SRXN1: variants seen among roughly 807,000 people sequenced by gnomAD.
SRXN1 encodes sulfiredoxin-1.
Under a neutral mutation model 11.0 loss-of-function variants are expected in SRXN1, and 11 were observed. That is an observed-to-expected ratio of 1.00 (90% CI 0.63 to 1.65). SRXN1 has a LOEUF of 1.65. SRXN1 is among the 40% of genes most tolerant of loss of function. SRXN1 has a pLI of 0.00. For synonymous variants in SRXN1, 106 were observed against 92.8 expected (o/e 1.14, Z -0.82); for missense variants, 211 against 194.5 (o/e 1.08, Z -0.50).
At chr20:650,919 C>A (rs1477172605) in intron 1 of SRXN1, among the ~76,000 whole-genome samples, 1 of 152,196 alleles carries the variant, frequency 6.6e-6, no homozygotes, top group African/African-American at 2.4e-5. Context: ...GAATGTGTTA[C>A]CTTACATGGG....
chr20:651,544 C>T (rs979602140), intron 1 of SRXN1, among the ~76,000 whole-genome samples: 2 of 151,984 alleles, frequency 1.3e-5, no homozygotes, highest in South Asian at 2.1e-4. Context: ...ATTAGCCAGG[C>T]GTGGTGGTGG....
In SRXN1 at chr20:650,894, C is replaced by T. The variant is rs115492788; in HGVS notation, c.211-1977G>A. ...GAATGATGGCTCCCAAAGATGTCCACGCCCGAATGCTTCTGAATGTGTTAC... is the reference window on the plus strand; with the variant it reads ...GAATGATGGCTCCCAAAGATGTCCATGCCCGAATGCTTCTGAATGTGTTAC... On this transcript the variant is annotated intron_variant, in intron 1 of 1. Transcript: ENST00000381962. Among the ~76,000 whole-genome samples the T allele has an allele frequency of 3.9e-3, 592 of 152,354 alleles. 2 individuals carry two copies. The highest frequency in any genetic ancestry group is 0.014 in the African/African-American group (563 of 41,584).
intron 1 of SRXN1, among the ~76,000 whole-genome samples, chr20:650,408 G>A (rs1171292140): frequency 6.6e-6 from 1 of 152,180 alleles, no homozygotes; most frequent in African/African-American, 2.4e-5. Context: ...AGAGAAAAGG[G>A]AGAATCTAAG....
In SRXN1 at chr20:646,826, C is replaced by T. The variant is rs1288601058; in HGVS notation, c.*1888G>A. The T allele has an allele frequency of 6.6e-6, 1 of 152,064 alleles. No individual in the cohort carries two copies. The highest frequency in any genetic ancestry group is 1.5e-5 in the Non-Finnish European group (1 of 68,006). 9.4% of individuals were successfully genotyped at this position (152,064 alleles called of 1,614,324 possible). ...GACTTTTTTCAGATTTCCAATTTTC[C>T]CACTAATGTCCTGTTTTTGTTCCAA... On this transcript the variant is annotated 3_prime_UTR_variant, in exon 2 of 2. Transcript: ENST00000381962.
Position 653,052 on chromosome 20 carries a change from G to C in SRXN1, c.134C>G (p.Pro45Arg), listed in dbSNP as rs775552812. The C allele has an allele frequency of 3.2e-6, 5 of 1,559,330 alleles. No homozygotes were observed. Among genetic ancestry groups the C allele is most frequent in the African/African-American group, 1.4e-5 (1 of 72,942 alleles). ...SGRIAAVHNV[P>R]LSVLIRPLPS... is the part of the protein sequence containing the mutation. ...CAGCGGCCGGATGAGCACGCTCAGC[G>C]GCACGTTGTGCACCGCGGCGATGCG... Residue 45 changes from proline to arginine, a missense_variant, in exon 1 of 2, where the codon CCG (proline) becomes CGG (arginine). Coordinates refer to ENST00000381962, the MANE Select transcript of SRXN1 (RefSeq NM_080725.3).
intron 1 of SRXN1, among the ~76,000 whole-genome samples, chr20:652,361 T>C (rs892748220): frequency 9.2e-5 from 14 of 152,068 alleles, no homozygotes; most frequent in Non-Finnish European, 4.4e-5. Flanking sequence ...GGCCCCCAAG[T>C]TCCTGCCAGA....
chr20:651,525 A>G (rs1983671345), intron 1 of SRXN1, among the ~76,000 whole-genome samples: 1 of 152,106 alleles, frequency 6.6e-6, no homozygotes, highest in African/African-American at 2.4e-5. Context: ...CTCTACTAAA[A>G]ATACAAAAAT....
At position 652,977 on chromosome 20, in the gene SRXN1, C is replaced by T. The variant is rs1165883274; in HGVS notation, c.209G>A (p.Arg70Gln). Residue 70 changes from arginine to glutamine, a missense_variant and splice_region_variant, in exon 1 of 2, where the codon CGG becomes CAG. Transcript: ENST00000381962. ...AKVQSLVDTIREDPDSVPPID... is the reference protein window; with the variant it reads ...AKVQSLVDTIQEDPDSVPPID... ...TGGCTGGACTCCCCGAGGCCTCACC[C>T]GGATCGTGTCCACGAGGCTCTGCAC... The T allele has an allele frequency of 1.5e-5, 23 of 1,528,772 alleles. No homozygotes were observed. The highest frequency in any genetic ancestry group is 2.0e-5 in the Admixed American group (1 of 50,030). The allele number at this position is 1,528,772 out of a possible 1,614,324, so 94.7% of individuals were successfully genotyped here. A position where few individuals can be genotyped will look rare whatever the true frequency, so the allele number is the denominator to read the frequency against.
At chr20:649,031 T>C (rs1983609612) in intron 1 of SRXN1, 114 bp from the exon 2 acceptor site, 9 of 1,093,258 alleles carry the variant, frequency 8.2e-6, no homozygotes, top group Non-Finnish European at 1.2e-5. Flanking sequence ...TGGACTACTG[T>C]GAGAGACAAC....
In SRXN1 at chr20:648,242, A is replaced by T. The variant is rs1024914416; in HGVS notation, c.*472T>A. The T allele has an allele frequency of 2.2e-6, 1 of 456,472 alleles. No individual in the cohort carries two copies. Among genetic ancestry groups the T allele is most frequent in the East Asian group, 6.9e-5 (1 of 14,400 alleles). 28.3% of individuals were successfully genotyped at this position (456,472 alleles called of 1,614,324 possible). ...CAAAAGGATCCAAGACGTGACCCCT[A>T]CCTTCGTGGAGTTGTTGAACCAATA... On this transcript the variant is annotated 3_prime_UTR_variant, in exon 2 of 2. Coordinates refer to ENST00000381962, the MANE Select transcript of SRXN1 (RefSeq NM_080725.3).
At chr20:649,716 A>G (rs6038277) in intron 1 of SRXN1, among the ~76,000 whole-genome samples, 29,041 of 151,176 alleles carry the variant, frequency 0.19, 3,264 homozygotes, top group South Asian at 0.33. Context: ...AAAAAAAAAA[A>G]AGAGAGAAGT....
intron 1 of SRXN1, among the ~76,000 whole-genome samples, chr20:652,332 C>T (rs1216197180): frequency 1.3e-5 from 2 of 152,174 alleles, no homozygotes; most frequent in Non-Finnish European, 2.9e-5. Context: ...TAGGCCTAAC[C>T]TGACACCTGT....
intron 1 of SRXN1, 25 bp downstream of exon 1, chr20:652,951 T>G (rs1481146583): frequency 7.0e-7 from 1 of 1,421,048 alleles, no homozygotes; most frequent in Non-Finnish European, 9.3e-7. Context: ...CTCCCTCCGG[T>G]TGGCTGGACT....
chr20:649,703 A>C (rs1348508324), intron 1 of SRXN1, among the ~76,000 whole-genome samples: 5 of 104,512 alleles, frequency 4.8e-5, no homozygotes, highest in Non-Finnish European at 8.8e-5. Flanking sequence ...ATCCATCTCA[A>C]AAAAAAAAAA....
Position 648,798 on chromosome 20 carries a change from T to C in SRXN1, c.330A>G (p.Arg110=). ...HRYAAYQQLQ[R]ETIPAKLVQS... Reference sequence around the variant, plus strand: ...GGACAAGCTTGGCGGGGATGGTCTCTCGCTGCAGTTGCTGGTAGGCCGCGT... The same window carrying C: ...GGACAAGCTTGGCGGGGATGGTCTCCCGCTGCAGTTGCTGGTAGGCCGCGT... Residue 110 remains arginine, a synonymous_variant, in exon 2 of 2, where the codon CGA becomes CGG. Coordinates refer to ENST00000381962, the MANE Select transcript of SRXN1 (RefSeq NM_080725.3). 6.2e-7 allele frequency: 1 copy of C among 1,614,232 alleles called. No individual in the cohort carries two copies. The highest frequency in any genetic ancestry group is 8.5e-7 in the Non-Finnish European group (1 of 1,180,036).
At chr20:652,304 A>G (rs191040001) in intron 1 of SRXN1, among the ~76,000 whole-genome samples, 153 of 152,238 alleles carry the variant, frequency 1.0e-3, no homozygotes, top group African/African-American at 3.5e-3. Flanking sequence ...GGTCGGGGGA[A>G]GGGGACACAA....
At position 652,959 on chromosome 20, in the gene SRXN1, A is replaced by G; in HGVS notation, c.210+17T>C. The G allele has an allele frequency of 7.0e-7, 1 of 1,429,484 alleles. No individual in the cohort carries two copies. The highest frequency in any genetic ancestry group is 9.3e-7 in the Non-Finnish European group (1 of 1,079,566). The allele number at this position is 1,429,484 out of a possible 1,614,324, so 88.6% of individuals were successfully genotyped here. On this transcript the variant is annotated intron_variant, in intron 1 of 1. Transcript: ENST00000381962. ...CGAAGCCCTCCCTCCGGTTGGCTGG[A>G]CTCCCCGAGGCCTCACCCGGATCGT...
At position 653,123 on chromosome 20, in the gene SRXN1, C is replaced by A; in HGVS notation, c.63G>T (p.Gly21=). ...RAGAGRGAPE[G]PGPSGGAQGG... ...CCTGCGCGCCGCCGCTCGGCCCGGG[C>A]CCCTCGGGCGCCCCCCGACCCGCGC... The change falls in exon 1 of 2, where the codon GGG becomes GGT. Residue 21 remains glycine (G), a synonymous_variant. Coordinates refer to ENST00000381962, the MANE Select transcript of SRXN1 (RefSeq NM_080725.3). 2.2e-6 allele frequency: 3 copies of A among 1,337,536 alleles called. No homozygotes were observed. Among genetic ancestry groups the A allele is most frequent in the Non-Finnish European group, 1.9e-6 (2 of 1,049,186 alleles). 82.9% of individuals were successfully genotyped at this position (1,337,536 alleles called of 1,614,324 possible).
In SRXN1 at chr20:648,277, A is replaced by G. The variant is rs57874784; in HGVS notation, c.*437T>C. On this transcript the variant is annotated 3_prime_UTR_variant, in exon 2 of 2. Transcript: ENST00000381962. ...AGTTGTTGAACCAATACCATTAGCCACCCATCTCCAGAATCCATGCTATGT... is the reference window on the plus strand; with the variant it reads ...AGTTGTTGAACCAATACCATTAGCCGCCCATCTCCAGAATCCATGCTATGT... 1,874 of 457,186 alleles carry G rather than the reference A, an allele frequency of 4.1e-3. 26 individuals are homozygous for G. The highest frequency in any genetic ancestry group is 0.033 in the African/African-American group (1,632 of 50,204). 28.3% of individuals were successfully genotyped at this position (457,186 alleles called of 1,614,324 possible).
Sources: gnomAD v4.1 joint callset for allele counts (sites outside exome capture counted in the v4.1 genomes callset) on GRCh38, gnomAD v4.1.1 for gene constraint, MANE v1.5 for transcripts, NCBI Gene and HGNC (gene_info 2026-07-23, HGNC 2026-07-21) for gene names.